The following GRHL3 variants were observed in gnomAD, a reference collection of about 807,000 sequenced individuals.
The protein encoded by GRHL3 is grainyhead-like protein 3 homolog.
GRHL3 carries 20 observed loss-of-function variants against 70.3 expected under a neutral mutation model. The observed-to-expected ratio is 0.28, with a 90% CI of 0.20 to 0.41. The LOEUF is 0.41. Ranked by LOEUF, GRHL3 falls within the 10% of genes least tolerant of loss-of-function variation. The pLI, the probability that GRHL3 is intolerant of heterozygous loss-of-function variation, is 1.00. For synonymous variants in GRHL3, 299 were observed against 299.9 expected (o/e 1.00, Z 0.03); for missense variants, 637 against 762.3 (o/e 0.84, Z 1.94).
At chr1:24,358,281 G>T (rs1365910722), downstream of GRHL3, 1 of 654,790 alleles carries the variant, frequency 1.5e-6, no homozygotes, top group Admixed American at 2.1e-5. Flanking sequence ...AAGCAGCCAG[G>T]GGGCTCTGTC....
At chr1:24,343,875 A>G (rs1157988018) in intron 11 of GRHL3, among the ~76,000 whole-genome samples, 2 of 152,198 alleles carry the variant, frequency 1.3e-5, no homozygotes, top group Non-Finnish European at 2.9e-5. Context: ...AGGTGTAGAC[A>G]GTGGCGCTGA....
intron 1 of GRHL3, 146 bp downstream of exon 1, chr1:24,319,714 G>C: frequency 3.8e-6 from 6 of 1,579,420 alleles, no homozygotes; most frequent in African/African-American, 1.3e-5. Flanking sequence ...TCTTACTTTG[G>C]CGTGTCAAGG....
chr1:24,355,921 G>A (rs1219449503), downstream of GRHL3, among the ~76,000 whole-genome samples: 7 of 143,646 alleles, frequency 4.9e-5, no homozygotes, highest in South Asian at 6.5e-4. Flanking sequence ...TTTTTCTTGC[G>A]ATGGAGCCTC....
chr1:24,319,791 T>C, intron 1 of GRHL3: 1 of 1,391,966 alleles, frequency 7.2e-7, no homozygotes, highest in Non-Finnish European at 9.4e-7. Context: ...TTCTCTTTGC[T>C]GAGCAGTTTC....
At chr1:24,357,245 A>ACGAGGTGAT (rs1553175184), downstream of GRHL3, 1 of 152,250 alleles carries the variant, frequency 6.6e-6, no homozygotes, top group African/African-American at 2.4e-5. Context: ...TGATGTCAGA[A>ACGAGGTGAT]CGAGGTGATG....
chr1:24,345,041 C>CACCTCCACA, intron 12 of GRHL3, 110 bp downstream of exon 12: 1 of 445,026 alleles, frequency 2.2e-6, no homozygotes, highest in Non-Finnish European at 3.2e-6. Context: ...TACACCTGTG[C>CACCTCCACA]CCCCTCCACA....
chr1:24,343,112 A>G (rs943387457), intron 11 of GRHL3, 87 bp downstream of exon 11: 22 of 1,511,962 alleles, frequency 1.5e-5, no homozygotes, highest in Non-Finnish European at 1.9e-5. Flanking sequence ...ACCAGTGGGG[A>G]GCAGCCTGCC....
rs141594535 is a variant in GRHL3 at position 24,338,013 on chromosome 1, G to C, written c.862G>C (p.Asp288His). The change falls in exon 7 of 16, where the codon GAC (aspartate) becomes CAC (histidine). Residue 288 changes from aspartate to histidine, a missense_variant. Physicochemically the swap from Asp to His is moderately conservative, Grantham distance 81. Coordinates refer to ENST00000361548, the MANE Select transcript of GRHL3 (RefSeq NM_198173.3). ...KVKSVVMVVF[D>H]NEKVPVEQLR... The stretch of plus-strand genomic sequence containing the variant: ...GCAGAGTGTGGTGATGGTTGTCTTC[G>C]ACAATGAGAAGGTCCCAGTAGAGCA... The C allele has an allele frequency of 1.4e-5, 22 of 1,610,430 alleles. No individual in the cohort carries two copies. The highest frequency in any genetic ancestry group is 1.9e-5 in the Non-Finnish European group (22 of 1,178,336).
At chr1:24,336,331 G>A in intron 3 of GRHL3, 151 bp from the exon 4 acceptor site, 1 of 558,250 alleles carries the variant, frequency 1.8e-6, no homozygotes, top group East Asian at 2.9e-5. Context: ...TGGCCAATTG[G>A]GCTGCTACAG....
rs1348589677 is a variant in GRHL3 at position 24,350,081 on chromosome 1, T to C, written c.1653T>C (p.Pro551=). The C allele has an allele frequency of 1.2e-6, 2 of 1,613,746 alleles. No homozygotes were observed. Among genetic ancestry groups the C allele is most frequent in the Non-Finnish European group, 1.7e-6 (2 of 1,179,812 alleles). Residue 551 remains proline (P), a synonymous_variant, in exon 15 of 16, where the codon CCT becomes CCC. Coordinates refer to ENST00000361548, the MANE Select transcript of GRHL3 (RefSeq NM_198173.3). ...AGATCTCTGAGAAGTATGGGTTCCC[T>C]GAAGAGAACATTTACAAAGTCTACA... ...RNAISEKYGF[P]EENIYKVYKK...
intron 11 of GRHL3, chr1:24,343,400 A>C: frequency 4.6e-6 from 1 of 217,822 alleles, no homozygotes; most frequent in East Asian, 1.0e-4. Context: ...CACCGTCCTT[A>C]CCCTTCTCTA....
intron 1 of GRHL3, chr1:24,319,868 A>G: frequency 1.5e-6 from 1 of 658,770 alleles, no homozygotes; most frequent in Non-Finnish European, 2.3e-6. Context: ...GATCCTCTGA[A>G]GGGGCCTTGG....
chr1:24,319,897 C>A lies in GRHL3; in HGVS notation c.17+329C>A, dbSNP rs79338443. The A allele has an allele frequency of 0.048, 21,095 of 438,652 alleles. 676 individuals carry two copies. Among genetic ancestry groups the A allele is most frequent in the Non-Finnish European group, 0.065 (15,951 of 247,092 alleles). 27.2% of individuals were successfully genotyped at this position (438,652 alleles called of 1,614,324 possible). ...GCCTTGGAAATCAGACGACCCCAATCCCATCGAGGCTTTCTATCTTCTTGC... is the reference window on the plus strand; with the variant it reads ...GCCTTGGAAATCAGACGACCCCAATACCATCGAGGCTTTCTATCTTCTTGC... On this transcript the variant is annotated intron_variant, in intron 1 of 15. Transcript: ENST00000361548.
downstream of GRHL3, among the ~76,000 whole-genome samples, chr1:24,356,812 T>G (rs1370929034): frequency 6.6e-6 from 1 of 152,198 alleles, no homozygotes; most frequent in African/African-American, 2.4e-5. Flanking sequence ...ACTTAAATAT[T>G]TGGGTTTCTC....
chr1:24,326,722 C>T (rs539885432), intron 1 of GRHL3, among the ~76,000 whole-genome samples: 1 of 152,254 alleles, frequency 6.6e-6, no homozygotes, highest in Non-Finnish European at 1.5e-5. Flanking sequence ...CTTTTTAAAT[C>T]TCTCCTACAT....
chr1:24,326,730 C>T (rs1244947572), intron 1 of GRHL3, among the ~76,000 whole-genome samples: 1 of 152,204 alleles, frequency 6.6e-6, no homozygotes, highest in Non-Finnish European at 1.5e-5. Context: ...ATCTCTCCTA[C>T]ATCCCTTCTT....
intron 2 of GRHL3, among the ~76,000 whole-genome samples, chr1:24,333,242 T>C (rs887393224): frequency 6.6e-6 from 1 of 152,222 alleles, no homozygotes; most frequent in Non-Finnish European, 1.5e-5. Context: ...TGGACAGTGA[T>C]GACATGGTCT....
In GRHL3 at chr1:24,336,687, G is replaced by T. The variant is rs371889064; in HGVS notation, c.472G>T (p.Gly158Cys). ...TGCAGGCCCCAGCAAGCTGGAGGCC[G>T]GCTCTGTGGACAGCTACCTGTTACC... ...LPAGPSKLEA[G>C]SVDSYLLPTT... The change falls in exon 4 of 16, where the codon GGC becomes TGC. Residue 158 changes from glycine to cysteine, a missense_variant. By Grantham distance (159) the Gly-to-Cys change is radical (BLOSUM62 -3). Coordinates refer to ENST00000361548, the MANE Select transcript of GRHL3 (RefSeq NM_198173.3). 6.2e-7 allele frequency: 1 copy of T among 1,614,108 alleles called. No homozygotes were observed. The highest frequency in any genetic ancestry group is 8.5e-7 in the Non-Finnish European group (1 of 1,180,014).
intron 3 of GRHL3, among the ~76,000 whole-genome samples, chr1:24,335,728 T>G (rs893724840): frequency 1.3e-5 from 2 of 151,820 alleles, no homozygotes; most frequent in Admixed American, 6.6e-5. Context: ...GACTACAGGC[T>G]CCCGCCACCT....
Sources: gnomAD v4.1 joint callset for allele counts (sites outside exome capture counted in the v4.1 genomes callset) on GRCh38, gnomAD v4.1.1 for gene constraint, MANE v1.5 for transcripts, NCBI Gene and HGNC (gene_info 2026-07-23, HGNC 2026-07-21) for gene names.